Variants in ETV6 observed in about 807,000 individuals in gnomAD.
ETV6 encodes transcription factor ETV6.
ETV6 carries 16 observed loss-of-function variants against 51.1 expected under a neutral mutation model. That is an observed-to-expected ratio of 0.31 (90% CI 0.21 to 0.48). The LOEUF is 0.48. Ranked by LOEUF, ETV6 falls within the 20% of genes least tolerant of loss-of-function variation. The probability of loss-of-function intolerance (pLI) is 0.99; values close to 1 mark genes in which losing one functional copy is unlikely to be tolerated. For synonymous variants in ETV6, 240 were observed against 224.1 expected, an observed-to-expected ratio of 1.07 and a Z score of -0.64; for missense variants, 458 against 594.8, an observed-to-expected ratio of 0.77 and a Z score of 2.39.
At position 11,855,263 on chromosome 12, in the gene ETV6, G is replaced by A. The variant is rs182688635; in HGVS notation, c.463+1702G>A. On this transcript the variant is annotated intron_variant, in intron 4 of 7. Coordinates refer to ENST00000396373, the MANE Select transcript of ETV6 (RefSeq NM_001987.5). ...GGAGATTGCAGTGAGCTGAGATTGC[G>A]CCACTGCACTCCAGCCTGGGCGACA... is the stretch of plus-strand genomic sequence containing the variant. 7.2e-3 allele frequency among the ~76,000 whole-genome samples: 1,102 copies of A among 152,152 alleles called. 22 individuals are homozygous for A. Among genetic ancestry groups the A allele is most frequent in the African/African-American group, 0.025 (1,046 of 41,508 alleles).
chr12:11,786,116 A>T (rs937539798), intron 2 of ETV6, among the ~76,000 whole-genome samples: 8 of 152,100 alleles, frequency 5.3e-5, no homozygotes, highest in African/African-American at 7.2e-5. Flanking sequence ...TGTTTTTTTT[A>T]AAATATTCCT....
intron 3 of ETV6, among the ~76,000 whole-genome samples, chr12:11,842,077 G>A (rs138020807): frequency 0.063 from 8,196 of 129,150 alleles, 322 homozygotes; most frequent in Non-Finnish European, 0.088. Context: ...GCGAGACTCC[G>A]TCTCAAAAAA....
At chr12:11,860,846 G>A (rs1027679671) in intron 4 of ETV6, among the ~76,000 whole-genome samples, 5 of 151,980 alleles carry the variant, frequency 3.3e-5, no homozygotes, top group African/African-American at 4.8e-5. Flanking sequence ...TCTCAATATC[G>A]CAACTACATC....
intron 2 of ETV6, among the ~76,000 whole-genome samples, chr12:11,788,074 A>T (rs1032324728): frequency 1.3e-5 from 2 of 152,164 alleles, no homozygotes; most frequent in African/African-American, 4.8e-5. Context: ...CCCTCCAACA[A>T]AGCAAGAATC....
At chr12:11,650,450 A>C (rs1863873788) in intron 1 of ETV6, among the ~76,000 whole-genome samples, 2 of 129,400 alleles carry the variant, frequency 1.5e-5, no homozygotes, top group Admixed American at 9.3e-5. Context: ...TTGTCTCCAG[A>C]ACCGTAAAAC....
chr12:11,891,526 T>G lies in ETV6; in HGVS notation c.*480T>G. ...CCAGCTGGTCAGGAAAGAGAATACT[T>G]GCAGAGGGGTTCAGGTTCCTCTTTT... On this transcript the variant is annotated 3_prime_UTR_variant, in exon 8 of 8. Coordinates refer to ENST00000396373, the MANE Select transcript of ETV6 (RefSeq NM_001987.5). The G allele has an allele frequency of 1.9e-6, 1 of 534,044 alleles. No individual in the cohort carries two copies. The highest frequency in any genetic ancestry group is 3.9e-5 in the East Asian group (1 of 25,576). The allele number at this position is 534,044 out of a possible 1,614,324, so 33.1% of individuals were successfully genotyped here.
chr12:11,710,794 C>T (rs1324401035), intron 1 of ETV6, among the ~76,000 whole-genome samples: 6 of 152,162 alleles, frequency 3.9e-5, no homozygotes, highest in Non-Finnish European at 8.8e-5. Flanking sequence ...CTTCTGGTGG[C>T]CACAGTTCCT....
At chr12:11,776,387 T>G (rs1334024104) in intron 2 of ETV6, among the ~76,000 whole-genome samples, 1 of 152,110 alleles carries the variant, frequency 6.6e-6, no homozygotes, top group Non-Finnish European at 1.5e-5. Flanking sequence ...TCAGTTTTTG[T>G]TTTTTGAACT....
chr12:11,884,548 G>A lies in ETV6; in HGVS notation c.1113G>A (p.Val371=). 1.2e-6 allele frequency: 2 copies of A among 1,614,178 alleles called. No individual in the cohort carries two copies. The highest frequency in any genetic ancestry group is 1.7e-6 in the Non-Finnish European group (2 of 1,180,034). ...EDKESKIFRI[V]DPNGLARLWG... ...AAGAATCCAAAATATTCCGGATAGTGGATCCCAACGGACTGGCTCGACTGT... is the reference window on the plus strand; with the variant it reads ...AAGAATCCAAAATATTCCGGATAGTAGATCCCAACGGACTGGCTCGACTGT... Residue 371 remains valine (V), a synonymous_variant, in exon 6 of 8, where the codon GTG becomes GTA. Transcript: ENST00000396373.
At chr12:11,878,396 A>C (rs1432504123) in intron 5 of ETV6, among the ~76,000 whole-genome samples, 1 of 152,050 alleles carries the variant, frequency 6.6e-6, no homozygotes, top group Non-Finnish European at 1.5e-5. Flanking sequence ...ACAGAGTCCT[A>C]CCTCCCTGCA....
rs1027146210 is a variant in ETV6 at position 11,796,376 on chromosome 12, G to A, written c.164-42764G>A. 3.3e-5 allele frequency among the ~76,000 whole-genome samples: 5 copies of A among 152,188 alleles called. No individual in the cohort carries two copies. The South Asian group carries it at 1.0e-3, about 31-fold the overall frequency. ...TTCATACTCACCCTGTAATGTGGCA[G>A]CCTCGTGCCATTTATCATTCCAACA... On this transcript the variant is annotated intron_variant, in intron 2 of 7. Transcript: ENST00000396373.
intron 1 of ETV6, among the ~76,000 whole-genome samples, chr12:11,673,111 T>C (rs1432763440): frequency 6.6e-6 from 1 of 152,186 alleles, no homozygotes; most frequent in African/African-American, 2.4e-5. Flanking sequence ...GCTGGGTAAC[T>C]GTGCAGGGCT....
chr12:11,889,767 C>G (rs1591754105), intron 7 of ETV6, among the ~76,000 whole-genome samples: 1 of 152,154 alleles, frequency 6.6e-6, no homozygotes, highest in Non-Finnish European at 1.5e-5. Flanking sequence ...ATGAGCAGAG[C>G]AAAGGATGCA....
chr12:11,807,378 T>G lies in ETV6; in HGVS notation c.164-31762T>G, dbSNP rs376110517. On this transcript the variant is annotated intron_variant, in intron 2 of 7. Transcript: ENST00000396373. ...GTACTGGTAGAGAAAATTGGTAGAG[T>G]GAATTAAAGTACAGACAGATCCACA... 5.9e-5 allele frequency among the ~76,000 whole-genome samples: 9 copies of G among 152,116 alleles called. No individual in the cohort carries two copies. The East Asian group carries it at 1.7e-3, about 29-fold the overall frequency.
chr12:11,727,923 A>G (rs1016839768), intron 1 of ETV6, among the ~76,000 whole-genome samples: 36 of 152,096 alleles, frequency 2.4e-4, no homozygotes, highest in Admixed American at 2.3e-3. Flanking sequence ...GGGCTCAAGC[A>G]GTTCTCCTGC....
At chr12:11,698,025 G>A (rs572429385) in intron 1 of ETV6, among the ~76,000 whole-genome samples, 2 of 152,192 alleles carry the variant, frequency 1.3e-5, no homozygotes, top group Admixed American at 1.3e-4. Context: ...AAAACCTCTG[G>A]TTGTTCCTTG....
At chr12:11,771,228 G>A (rs1945238248) in intron 2 of ETV6, among the ~76,000 whole-genome samples, 1 of 152,214 alleles carries the variant, frequency 6.6e-6, no homozygotes, top group African/African-American at 2.4e-5. Context: ...GATTTCAGTG[G>A]TGTCCCACTC....
intron 2 of ETV6, among the ~76,000 whole-genome samples, chr12:11,825,065 G>T (rs1230805461): frequency 6.6e-6 from 1 of 152,160 alleles, no homozygotes; most frequent in Non-Finnish European, 1.5e-5. Context: ...AAGAAAGCGT[G>T]CCAAAACAAC....
At chr12:11,879,057 C>T (rs1257320899) in intron 5 of ETV6, among the ~76,000 whole-genome samples, 1 of 152,084 alleles carries the variant, frequency 6.6e-6, no homozygotes, top group African/African-American at 2.4e-5. Flanking sequence ...GCCACATGCC[C>T]CCAGTTCAGA....
Sources: gnomAD v4.1 joint callset for allele counts (sites outside exome capture counted in the v4.1 genomes callset) on GRCh38, gnomAD v4.1.1 for gene constraint, MANE v1.5 for transcripts, NCBI Gene and HGNC (gene_info 2026-07-23, HGNC 2026-07-21) for gene names.